The following PHLPP1 variants were observed in gnomAD, a reference collection of about 807,000 sequenced individuals.
The protein encoded by PHLPP1 is PH domain and leucine rich repeat protein phosphatase 1.
A neutral mutation model predicts 117.2 loss-of-function variants in PHLPP1; 42 were observed. The observed-to-expected ratio is 0.36, with a 90% confidence interval of 0.28 to 0.46. PHLPP1 has a LOEUF of 0.46. PHLPP1 is among the 20% of genes least tolerant of loss of function. PHLPP1 has a pLI of 1.00. For synonymous variants in PHLPP1, 1,042 were observed against 970.7 expected (o/e 1.07, Z -1.37); for missense variants, 2,084 against 2,241.9 (o/e 0.93, Z 1.42).
intron 15 of PHLPP1, 124 bp downstream of exon 15, chr18:62,972,832 A>G: frequency 1.4e-6 from 1 of 724,284 alleles, no homozygotes; most frequent in Non-Finnish European, 2.3e-6. Context: ...GAGTACCAAG[A>G]TGCATTCAGG....
intron 8 of PHLPP1, among the ~76,000 whole-genome samples, chr18:62,912,501 C>G (rs948055031): frequency 1.3e-4 from 20 of 151,198 alleles, no homozygotes; most frequent in Non-Finnish European, 1.2e-4. Flanking sequence ...CCCACCCACT[C>G]CTCCCACCCC....
intron 14 of PHLPP1, among the ~76,000 whole-genome samples, chr18:62,967,958 G>A (rs899349409): frequency 2.0e-5 from 3 of 151,914 alleles, no homozygotes; most frequent in Non-Finnish European, 4.4e-5. Context: ...CGAGTAGCTA[G>A]GATTTCAGGC....
intron 1 of PHLPP1, among the ~76,000 whole-genome samples, chr18:62,805,884 T>C (rs1178853765): frequency 1.4e-5 from 2 of 146,620 alleles, no homozygotes. Flanking sequence ...CCAGTGTTGC[T>C]TTTTTTTTTA....
At chr18:62,864,575 G>A (rs745817903) in intron 4 of PHLPP1, among the ~76,000 whole-genome samples, 11 of 152,210 alleles carry the variant, frequency 7.2e-5, no homozygotes, top group South Asian at 2.1e-4. Flanking sequence ...CATTCAGTAA[G>A]CTTATCTGCA....
intron 4 of PHLPP1, among the ~76,000 whole-genome samples, chr18:62,862,334 A>T (rs1324242666): frequency 6.6e-6 from 1 of 151,590 alleles, no homozygotes; most frequent in Non-Finnish European, 1.5e-5. Flanking sequence ...GCCCACCTTG[A>T]CCTCCCAAAG....
chr18:62,932,777 A>C (rs1350943201), intron 10 of PHLPP1, among the ~76,000 whole-genome samples: 7 of 152,218 alleles, frequency 4.6e-5, no homozygotes, highest in Admixed American at 4.6e-4. Flanking sequence ...GCAGTCAGGC[A>C]AGAGAAAGAA....
intron 4 of PHLPP1, among the ~76,000 whole-genome samples, chr18:62,894,653 C>G (rs117657473): frequency 0.02 from 3,039 of 152,332 alleles, 43 homozygotes; most frequent in South Asian, 0.056. Context: ...AGGGCTAACG[C>G]CAGCTCTGCC....
chr18:62,949,399 TAAAC>T (rs1393328635), intron 12 of PHLPP1, among the ~76,000 whole-genome samples: 2 of 152,226 alleles, frequency 1.3e-5, no homozygotes, highest in Non-Finnish European at 2.9e-5. Context: ...ATGTACACCT[TAAAC>T]AGACTATTTG....
chr18:62,925,005 T>G (rs1765986830), intron 10 of PHLPP1, among the ~76,000 whole-genome samples: 1 of 152,096 alleles, frequency 6.6e-6, no homozygotes, highest in African/African-American at 2.4e-5. Flanking sequence ...GAAGATATTC[T>G]AATCTAGATC....
intron 1 of PHLPP1, among the ~76,000 whole-genome samples, chr18:62,766,076 A>AAAAAAAAAAAAAT: frequency 3.2e-4 from 7 of 21,662 alleles, no homozygotes; most frequent in Non-Finnish European, 5.1e-4. Flanking sequence ...AAAAAAAAAA[A>AAAAAAAAAAAAAT]ATATATATAT....
intron 1 of PHLPP1, among the ~76,000 whole-genome samples, chr18:62,819,041 A>T (rs1914371109): frequency 6.6e-6 from 1 of 152,250 alleles, no homozygotes; most frequent in Admixed American, 6.5e-5. Context: ...TAAAATAATT[A>T]GGATGTAATG....
At position 62,943,584 on chromosome 18, in the gene PHLPP1, G is replaced by A. The variant is rs1720481452; in HGVS notation, c.3162-1525G>A. Among the ~76,000 whole-genome samples the A allele has an allele frequency of 2.0e-5, 3 of 152,162 alleles. No homozygotes were observed. The South Asian group carries it at 6.2e-4, about 32-fold the overall frequency. On this transcript the variant is annotated intron_variant, in intron 11 of 16. Coordinates refer to ENST00000262719, the MANE Select transcript of PHLPP1 (RefSeq NM_194449.4). The stretch of plus-strand genomic sequence containing the variant: ...TTACAATCATGGCAGAAGGTGAAGG[G>A]GAGCCATTGTGTCACATGGTGAGAG...
At chr18:62,942,017 G>A (rs183427076) in intron 11 of PHLPP1, 99 bp downstream of exon 11, 73 of 961,854 alleles carry the variant, frequency 7.6e-5, no homozygotes, top group African/African-American at 1.6e-5. Flanking sequence ...GTGATGTCAA[G>A]TTTGTTTGCT....
At chr18:62,730,001 T>C (rs1282857123) in intron 1 of PHLPP1, among the ~76,000 whole-genome samples, 1 of 152,208 alleles carries the variant, frequency 6.6e-6, no homozygotes, top group East Asian at 1.9e-4. Context: ...GTATTACAGA[T>C]AGAGAAATGG....
chr18:62,956,055 A>C (rs1238684614), intron 12 of PHLPP1, among the ~76,000 whole-genome samples: 1 of 152,236 alleles, frequency 6.6e-6, no homozygotes, highest in Non-Finnish European at 1.5e-5. Flanking sequence ...AAAGCAAAAA[A>C]GAGATGACTG....
intron 13 of PHLPP1, among the ~76,000 whole-genome samples, chr18:62,962,314 A>T (rs907747800): frequency 6.6e-6 from 1 of 151,504 alleles, no homozygotes; most frequent in Non-Finnish European, 1.5e-5. Context: ...GTGTTATGTT[A>T]TTTATTTTTT....
intron 1 of PHLPP1, among the ~76,000 whole-genome samples, chr18:62,808,603 G>A (rs1489208764): frequency 2.0e-5 from 3 of 147,964 alleles, no homozygotes; most frequent in Non-Finnish European, 3.0e-5. Context: ...CCCAGGCTGG[G>A]GTGCAATGGC....
chr18:62,932,481 TG>T (rs1461576631), intron 10 of PHLPP1, among the ~76,000 whole-genome samples: 1 of 152,194 alleles, frequency 6.6e-6, no homozygotes, highest in Admixed American at 6.5e-5. Flanking sequence ...AATCAATATA[TG>T]TGATTCACCA....
intron 1 of PHLPP1, among the ~76,000 whole-genome samples, chr18:62,778,013 T>A (rs1167594920): frequency 6.6e-6 from 1 of 152,172 alleles, no homozygotes; most frequent in African/African-American, 2.4e-5. Flanking sequence ...TGATGTCACT[T>A]GTTGGAATCT....
Sources: allele counts gnomAD v4.1 joint callset (sites outside exome capture counted in the v4.1 genomes callset), GRCh38; gene constraint gnomAD v4.1.1; transcripts MANE v1.5; gene names NCBI Gene and HGNC (gene_info 2026-07-23, HGNC 2026-07-21).